Variants in KRT24 observed in about 807,000 individuals in gnomAD.
KRT24 encodes keratin, type I cytoskeletal 24.
In KRT24, 44 loss-of-function variants were observed where a neutral mutation model predicts 51.7. That is an observed-to-expected ratio of 0.85 (90% CI 0.67 to 1.09). The LOEUF (loss-of-function observed/expected upper bound fraction) is 1.09, where lower values mean the gene tolerates loss of function less well. Ranked by LOEUF, KRT24 falls within the 50% of genes least tolerant of loss-of-function variation. KRT24 has a pLI of 0.00. For missense variants in KRT24, 633 were observed against 647.0 expected (o/e 0.98, Z 0.24); for synonymous variants, 241 against 249.5 (o/e 0.97, Z 0.32).
At position 40,698,257 on chromosome 17, in the gene KRT24, A is replaced by T; in HGVS notation, c.1558T>A (p.Ser520Thr). The T allele has an allele frequency of 6.2e-7, 1 of 1,611,844 alleles. No homozygotes were observed. Among genetic ancestry groups the T allele is most frequent in the Non-Finnish European group, 8.5e-7 (1 of 1,178,068 alleles). ...GTTCCTTATTTAACTTTCACCTCAGAAATACTGCTGACTTGAGACGAGACA... is the reference window on the plus strand; with the variant it reads ...GTTCCTTATTTAACTTTCACCTCAGTAATACTGCTGACTTGAGACGAGACA... ...KVVSSQVSSI[S>T]EVKVK The change falls in exon 8 of 8, where the codon TCT becomes ACT. Residue 520 changes from serine to threonine, a missense_variant. Coordinates refer to ENST00000264651, the MANE Select transcript of KRT24 (RefSeq NM_019016.3).
chr17:40,699,521 G>C lies in KRT24; in HGVS notation c.1284C>G (p.Tyr428Ter), dbSNP rs565066372. The C allele has an allele frequency of 2.2e-5, 36 of 1,613,942 alleles. No homozygotes were observed. In the South Asian group the frequency reaches 3.2e-4, roughly 14 times the overall value. Residue 428 changes from tyrosine to a stop codon, truncating the protein, a stop_gained, in exon 6 of 8, where the codon TAC becomes TAG. Transcript: ENST00000264651. LOFTEE classifies it high-confidence loss of function. ...WGETKCQNAE[Y>*]KQLLDIKTRL... Reference sequence around the variant, plus strand: ...GTGTCTTGATGTCCAGCAATTGCTTGTACTCTGCGTTCTGGCATTTAGTCT... The same window carrying C: ...GTGTCTTGATGTCCAGCAATTGCTTCTACTCTGCGTTCTGGCATTTAGTCT...
Position 40,698,182 on chromosome 17 carries a change from T to C in KRT24, c.*55A>G, listed in dbSNP as rs1382515204. The C allele has an allele frequency of 2.8e-6, 3 of 1,088,872 alleles. No homozygotes were observed. The highest frequency in any genetic ancestry group is 4.2e-6 in the Non-Finnish European group (3 of 707,738). The allele number at this position is 1,088,872 out of a possible 1,614,324, so 67.5% of individuals were successfully genotyped here. On this transcript the variant is annotated 3_prime_UTR_variant, in exon 8 of 8. Coordinates refer to ENST00000264651, the MANE Select transcript of KRT24 (RefSeq NM_019016.3). ...TAGATTGATGCCATTTCTTCGCTTG[T>C]GTCCTTCTTGATTTTTTTTTCTTTG...
chr17:40,701,416 G>A, intron 2 of KRT24, 120 bp from the exon 3 acceptor site: 1 of 694,140 alleles, frequency 1.4e-6, no homozygotes. Context: ...AATAAATAAA[G>A]GTTATTAAGT....
intron 2 of KRT24, 152 bp from the exon 3 acceptor site, chr17:40,701,448 T>C (rs2037676341): frequency 7.4e-6 from 4 of 543,698 alleles, no homozygotes; most frequent in Non-Finnish European, 1.2e-5. Flanking sequence ...AAATTTTCCC[T>C]TGTAAAGAAA....
chr17:40,699,613 C>G lies in KRT24; in HGVS notation c.1192G>C (p.Ala398Pro), dbSNP rs762033241. 8 of 1,614,052 alleles carry G rather than the reference C, an allele frequency of 5.0e-6. No homozygotes were observed. The Admixed American group carries it at 1.2e-4, about 24-fold the overall frequency. ...TLADTEAGYV[A>P]QLSEIQTQIS... Reference sequence around the variant, plus strand: ...TGCGTTTGAATTTCTGACAGCTGAGCCACGTAGCCAGCTTCTGTGTCAGCC... The same window carrying G: ...TGCGTTTGAATTTCTGACAGCTGAGGCACGTAGCCAGCTTCTGTGTCAGCC... The change falls in exon 6 of 8, where the codon GCT becomes CCT. Residue 398 changes from alanine (A) to proline (P), a missense_variant. Ala to Pro is a conservative substitution (Grantham distance 27). Transcript: ENST00000264651.
intron 6 of KRT24, 144 bp from the exon 7 acceptor site, chr17:40,698,794 G>C: frequency 1.6e-6 from 1 of 627,310 alleles, no homozygotes; most frequent in South Asian, 2.0e-5. Context: ...GTTCAACCTT[G>C]CACTCCTGGG....
intron 2 of KRT24, among the ~76,000 whole-genome samples, 189 bp from the exon 3 acceptor site, chr17:40,701,485 C>A (rs1207910153): frequency 6.6e-6 from 1 of 152,062 alleles, no homozygotes; most frequent in East Asian, 1.9e-4. Context: ...TAATTCTAAT[C>A]ATGTCTAACA....
rs1567863853 is a variant in KRT24 at position 40,703,457 on chromosome 17, TC to T, written c.236del (p.Gly79GlufsTer77). 1 of 1,451,632 alleles carries T rather than the reference TC, an allele frequency of 6.9e-7. No homozygotes were observed. 89.9% of individuals were successfully genotyped at this position (1,451,632 alleles called of 1,614,324 possible). A position where few individuals can be genotyped will look rare whatever the true frequency, so the allele number is the denominator to read the frequency against. On this transcript the variant is annotated frameshift_variant, in exon 1 of 8. Transcript: ENST00000264651. LOFTEE classifies it high-confidence loss of function. ...GSCSVGGGFG[G>X]ASGSGTGFGG... Reference sequence around the variant, plus strand: ...CAAATCCTGTCCCAGAGCCTGAAGCTCCCCCAAAACCACCCCCTACTGAGCA... The same window carrying T: ...CAAATCCTGTCCCAGAGCCTGAAGCTCCCCAAAACCACCCCCTACTGAGCA...
At chr17:40,701,117 G>A (rs1293936820) in intron 3 of KRT24, 23 bp downstream of exon 3, 3 of 1,609,604 alleles carry the variant, frequency 1.9e-6, no homozygotes, top group Non-Finnish European at 2.5e-6. Context: ...AGAGTTATTC[G>A]TTTATGTAGA....
Position 40,698,086 on chromosome 17 carries a change from A to G in KRT24, c.*151T>C. 1.7e-6 allele frequency: 1 copy of G among 575,998 alleles called. No individual in the cohort carries two copies. Among genetic ancestry groups the G allele is most frequent in the Non-Finnish European group, 3.1e-6 (1 of 325,730 alleles). 35.7% of individuals were successfully genotyped at this position (575,998 alleles called of 1,614,324 possible). A position where few individuals can be genotyped will look rare whatever the true frequency, so the allele number is the denominator to read the frequency against. On this transcript the variant is annotated 3_prime_UTR_variant, in exon 8 of 8. Transcript: ENST00000264651. The stretch of plus-strand genomic sequence containing the variant: ...AGAGCATTCTAATGAGGAAATAAGA[A>G]GATGCAGAAAAGTTGGCTAGTCATC...
chr17:40,701,305 G>A lies in KRT24; in HGVS notation c.699-9C>T. On this transcript the variant is annotated splice_polypyrimidine_tract_variant and intron_variant, in intron 2 of 7. Coordinates refer to ENST00000264651, the MANE Select transcript of KRT24 (RefSeq NM_019016.3). ...ACAGCTCGTTCTCATACCTGGAAGG[G>A]GCAGCAGTAAGGCAAAAAATACTGT... is the stretch of plus-strand genomic sequence containing the variant. 1 of 1,610,524 alleles carries A rather than the reference G, an allele frequency of 6.2e-7. No individual in the cohort carries two copies. Among genetic ancestry groups the A allele is most frequent in the Non-Finnish European group, 8.5e-7 (1 of 1,178,386 alleles).
chr17:40,703,017 C>A, intron 1 of KRT24, 62 bp downstream of exon 1: 1 of 1,491,550 alleles, frequency 6.7e-7, no homozygotes, highest in Non-Finnish European at 9.0e-7. Flanking sequence ...CATTATAGTA[C>A]ATGATCTGAA....
Position 40,698,277 on chromosome 17 carries a change from G to A in KRT24, c.1538C>T (p.Ser513Leu), listed in dbSNP as rs765051814. The A allele has an allele frequency of 3.7e-6, 6 of 1,613,240 alleles. No homozygotes were observed. Among genetic ancestry groups the A allele is most frequent in the East Asian group, 2.2e-5 (1 of 44,874 alleles). The change falls in exon 8 of 8, where the codon TCG becomes TTG. Residue 513 changes from serine to leucine, a missense_variant. Coordinates refer to ENST00000264651, the MANE Select transcript of KRT24 (RefSeq NM_019016.3). ...VEELVDGKVV[S>L]SQVSSISEVK... is the part of the protein sequence containing the mutation. ...CTCAGAAATACTGCTGACTTGAGAC[G>A]AGACAACCTTGCCATCCACCAACTC... is the stretch of plus-strand genomic sequence containing the variant.
At position 40,699,762 on chromosome 17, in the gene KRT24, T is replaced by C. The variant is rs1043976149; in HGVS notation, c.1144-101A>G. The C allele has an allele frequency of 5.6e-6, 6 of 1,066,116 alleles. No individual in the cohort carries two copies. The Admixed American group carries it at 1.3e-4, about 24-fold the overall frequency. 66.0% of individuals were successfully genotyped at this position (1,066,116 alleles called of 1,614,324 possible). A position where few individuals can be genotyped will look rare whatever the true frequency, so the allele number is the denominator to read the frequency against. On this transcript the variant is annotated intron_variant, in intron 5 of 7. Coordinates refer to ENST00000264651, the MANE Select transcript of KRT24 (RefSeq NM_019016.3). ...TGGCACTAGAAGTGCACCTTCGCCA[T>C]ATAACCTATATTGTTATATCATTGC...
rs8068810 is a variant in KRT24 at position 40,699,876 on chromosome 17, A to G, written c.1143+122T>C. On this transcript the variant is annotated intron_variant, in intron 5 of 7. Transcript: ENST00000264651. ...TCTTTAACTTTTAATGCTTTCTATA[A>G]TCATAATGCAGTTCTCCTTAACACT... 1,935 of 1,266,194 alleles carry G rather than the reference A, an allele frequency of 1.5e-3. 22 individuals carry two copies. The African/African-American group carries it at 0.026, about 17-fold the overall frequency. The allele number at this position is 1,266,194 out of a possible 1,614,324, so 78.4% of individuals were successfully genotyped here.
intron 1 of KRT24, 127 bp downstream of exon 1, chr17:40,702,952 C>T: frequency 3.4e-6 from 3 of 890,478 alleles, no homozygotes; most frequent in Non-Finnish European, 4.9e-6. Flanking sequence ...CACATCAGGT[C>T]CCACTTTGCA....
rs750834464 is a variant in KRT24 at position 40,699,533 on chromosome 17, C to G, written c.1272G>C (p.Gln424His). 1 of 1,614,020 alleles carries G rather than the reference C, an allele frequency of 6.2e-7. No individual in the cohort carries two copies. The highest frequency in any genetic ancestry group is 1.7e-5 in the Admixed American group (1 of 60,024). ...CCAGCAATTGCTTGTACTCTGCGTT[C>G]TGGCATTTAGTCTCACCCCAGATCT... is the stretch of plus-strand genomic sequence containing the variant. Reference protein sequence around the residue: ...ICQIWGETKCQNAEYKQLLDI... With the variant: ...ICQIWGETKCHNAEYKQLLDI... Residue 424 changes from glutamine to histidine, a missense_variant, in exon 6 of 8, where the codon CAG becomes CAC. Transcript: ENST00000264651.
At position 40,700,305 on chromosome 17, in the gene KRT24, T is replaced by A; in HGVS notation, c.934A>T (p.Lys312Ter). 1 of 1,614,152 alleles carries A rather than the reference T, an allele frequency of 6.2e-7. No homozygotes were observed. The highest frequency in any genetic ancestry group is 8.5e-7 in the Non-Finnish European group (1 of 1,180,026). ...TGCGCCCTCATGTCATTCAGTAATTTGGTCAGGTCGGTCCCTGGCGCAGCA... is the reference window on the plus strand; with the variant it reads ...TGCGCCCTCATGTCATTCAGTAATTAGGTCAGGTCGGTCCCTGGCGCAGCA... ...MNAAPGTDLTKLLNDMRAQYE... is the reference protein window; with the variant it reads ...MNAAPGTDLT Residue 312 changes from lysine to a stop codon, truncating the protein, a stop_gained, in exon 4 of 8, where the codon AAA becomes TAA. Coordinates refer to ENST00000264651, the MANE Select transcript of KRT24 (RefSeq NM_019016.3). LOFTEE classifies it high-confidence loss of function.
At chr17:40,700,467 AAGT>A (rs1450965373) in intron 3 of KRT24, 84 bp from the exon 4 acceptor site, 8 of 1,014,208 alleles carry the variant, frequency 7.9e-6, no homozygotes, top group Non-Finnish European at 1.0e-5. Context: ...AACAATTTGA[AAGT>A]AGGACACTGA....
Sources: gnomAD v4.1 joint callset for allele counts (sites outside exome capture counted in the v4.1 genomes callset) on GRCh38, gnomAD v4.1.1 for gene constraint, MANE v1.5 for transcripts, NCBI Gene and HGNC (gene_info 2026-07-23, HGNC 2026-07-21) for gene names.